Variants in SLC2A13 observed in about 807,000 individuals in gnomAD.
The protein encoded by SLC2A13 is solute carrier family 2 member 13, also known as proton myo-inositol cotransporter.
SLC2A13 carries 32 observed loss-of-function variants against 64.4 expected under a neutral mutation model. The ratio of observed to expected loss-of-function variants is 0.50; its 90% CI spans 0.37 to 0.67. SLC2A13 has a LOEUF of 0.67. Among genes scored for constraint, SLC2A13 ranks in the 30% least tolerant of loss-of-function variants. The pLI is 0.00. For missense variants in SLC2A13, 743 were observed against 829.2 expected (o/e 0.90, Z 1.28); for synonymous variants, 338 against 327.1 (o/e 1.03, Z -0.36).
At chr12:39,938,805 G>A (rs149608672) in intron 4 of SLC2A13, among the ~76,000 whole-genome samples, 85 of 151,932 alleles carry the variant, frequency 5.6e-4, no homozygotes, top group Non-Finnish European at 1.0e-3. Context: ...TTTTTCAGAG[G>A]TGCTTTTCAT....
At position 39,782,407 on chromosome 12, in the gene SLC2A13, G is replaced by A. The variant is rs1941022980; in HGVS notation, c.1446-17549C>T. The stretch of plus-strand genomic sequence containing the variant: ...AAGTGTCACGAAATCTGATGGGTTT[G>A]TCAGGGGTTTCTCCTTTTGCTTCCT... On this transcript the variant is annotated intron_variant, in intron 7 of 9. Transcript: ENST00000280871. Among the ~76,000 whole-genome samples the A allele has an allele frequency of 2.6e-5, 4 of 152,122 alleles. No individual in the cohort carries two copies. In the South Asian group the frequency reaches 8.3e-4, roughly 32 times the overall value.
Position 39,760,316 on chromosome 12 carries a change from T to G in SLC2A13, c.1721-64A>C. The G allele has an allele frequency of 2.0e-6, 3 of 1,463,428 alleles. No individual in the cohort carries two copies. In the Middle Eastern group the frequency reaches 5.3e-4, roughly 259 times the overall value. The allele number at this position is 1,463,428 out of a possible 1,614,324, so 90.7% of individuals were successfully genotyped here. A position where few individuals can be genotyped will look rare whatever the true frequency, so the allele number is the denominator to read the frequency against. The stretch of plus-strand genomic sequence containing the variant: ...TAGAGAGAGGCTTAAGTTGGAAAGA[T>G]TACTTGATTTTGACTTTTTTTTTCT... On this transcript the variant is annotated intron_variant, in intron 9 of 9. Transcript: ENST00000280871.
chr12:40,030,474 G>A (rs896351894), intron 2 of SLC2A13, among the ~76,000 whole-genome samples: 6 of 152,088 alleles, frequency 3.9e-5, no homozygotes, highest in Non-Finnish European at 7.4e-5. Context: ...AAATATACTG[G>A]ATTAGGAAAT....
chr12:39,853,694 C>A (rs575170106), intron 6 of SLC2A13, among the ~76,000 whole-genome samples: 1 of 151,330 alleles, frequency 6.6e-6, no homozygotes, highest in Admixed American at 6.6e-5. Context: ...AAGCTATCTT[C>A]CACTTTGCCA....
intron 3 of SLC2A13, among the ~76,000 whole-genome samples, chr12:39,987,202 T>C (rs1327114075): frequency 6.6e-6 from 1 of 152,128 alleles, no homozygotes; most frequent in Non-Finnish European, 1.5e-5. Context: ...TATTAAAATG[T>C]CAAACAAGAT....
At chr12:40,070,581 GA>G (rs974782608) in intron 1 of SLC2A13, among the ~76,000 whole-genome samples, 2 of 152,038 alleles carry the variant, frequency 1.3e-5, no homozygotes, top group Non-Finnish European at 2.9e-5. Flanking sequence ...AACTGAAAAG[GA>G]AAAAATCAAC....
At chr12:39,959,072 C>T (rs1946364850) in intron 3 of SLC2A13, among the ~76,000 whole-genome samples, 2 of 152,044 alleles carry the variant, frequency 1.3e-5, no homozygotes, top group South Asian at 4.2e-4. Context: ...AAGAGAAACA[C>T]CAGAGCAAGT....
intron 7 of SLC2A13, among the ~76,000 whole-genome samples, chr12:39,805,157 A>T (rs1020833190): frequency 3.4e-5 from 5 of 145,562 alleles, no homozygotes; most frequent in African/African-American, 1.3e-4. Context: ...CAGGCCAGAG[A>T]GTTGTGTGTT....
intron 7 of SLC2A13, among the ~76,000 whole-genome samples, chr12:39,815,615 C>T (rs1299756861): frequency 2.6e-5 from 4 of 152,114 alleles, no homozygotes; most frequent in Middle Eastern, 3.4e-3. Flanking sequence ...AAGAGGCGAA[C>T]GGGGATAAAA....
At chr12:40,103,915 C>T (rs1425415422) in intron 1 of SLC2A13, among the ~76,000 whole-genome samples, 3 of 152,160 alleles carry the variant, frequency 2.0e-5, no homozygotes, top group Non-Finnish European at 4.4e-5. Context: ...GAGAGCTTTG[C>T]CCTACCTTTG....
intron 5 of SLC2A13, among the ~76,000 whole-genome samples, chr12:39,866,473 A>C (rs1592221224): frequency 6.6e-6 from 1 of 152,274 alleles, no homozygotes; most frequent in Non-Finnish European, 1.5e-5. Flanking sequence ...AAATGTCATA[A>C]TGTATTTGAA....
intron 7 of SLC2A13, among the ~76,000 whole-genome samples, chr12:39,786,968 C>T (rs1941209416): frequency 6.9e-6 from 1 of 144,516 alleles, no homozygotes; most frequent in East Asian, 2.0e-4. Flanking sequence ...GAGACATGGG[C>T]ATATTTTCTG....
At chr12:39,795,965 T>C (rs1941559520) in intron 7 of SLC2A13, among the ~76,000 whole-genome samples, 1 of 152,134 alleles carries the variant, frequency 6.6e-6, no homozygotes, top group Non-Finnish European at 1.5e-5. Context: ...TGTGTAGCCA[T>C]CATCACTACC....
chr12:39,818,419 T>A (rs1942399550), intron 7 of SLC2A13, among the ~76,000 whole-genome samples: 1 of 152,186 alleles, frequency 6.6e-6, no homozygotes, highest in African/African-American at 2.4e-5. Flanking sequence ...TCAGATAGGA[T>A]CTCTTATCAA....
chr12:39,894,864 A>T (rs1944700403), intron 4 of SLC2A13, among the ~76,000 whole-genome samples: 2 of 152,162 alleles, frequency 1.3e-5, no homozygotes, highest in African/African-American at 4.8e-5. Flanking sequence ...AAAAGGGAGA[A>T]AAGAAAAAAA....
At chr12:39,961,363 G>A (rs1325508492) in intron 3 of SLC2A13, among the ~76,000 whole-genome samples, 1 of 152,192 alleles carries the variant, frequency 6.6e-6, no homozygotes, top group African/African-American at 2.4e-5. Flanking sequence ...ACAGGCATGA[G>A]CCACCACGCC....
In SLC2A13 at chr12:40,105,681, G is replaced by A; in HGVS notation, c.128C>T (p.Ala43Val). The change falls in exon 1 of 10, where the codon GCT becomes GTT. Residue 43 changes from alanine (A) to valine (V), a missense_variant. Physicochemically the swap from Ala to Val is moderately conservative, Grantham distance 64 (BLOSUM62 0). Around this residue, in one of 2 missense-constraint regions of SLC2A13, gnomAD observed 448 missense variants for 447.4 expected, o/e 1.00. Coordinates refer to ENST00000280871, the MANE Select transcript of SLC2A13 (RefSeq NM_052885.4). The surrounding 1 kb of genome is among the most constrained non-coding windows in gnomAD (Gnocchi z 4.2). The part of the protein sequence containing the change: ...ASAAGECSLL[A>V]AAESSTSLQS... ...CAGGCTGGTGCTCGATTCGGCGGCA[G>A]CCAGGAGGCTGCACTCCCCGGCCGC... The A allele has an allele frequency of 2.7e-6, 4 of 1,491,732 alleles. No individual in the cohort carries two copies. The highest frequency in any genetic ancestry group is 3.6e-6 in the Non-Finnish European group (4 of 1,122,720). 92.4% of individuals were successfully genotyped at this position (1,491,732 alleles called of 1,614,324 possible).
At chr12:39,940,877 CCCT>C (rs10540304) in intron 4 of SLC2A13, among the ~76,000 whole-genome samples, 41,706 of 151,122 alleles carry the variant, frequency 0.28, 6,386 homozygotes, top group Non-Finnish European at 0.35. Context: ...CCACTCTTCC[CCCT>C]CAAGTCCCCA....
intron 4 of SLC2A13, among the ~76,000 whole-genome samples, chr12:39,898,595 CTG>C (rs544295520): frequency 6.6e-6 from 1 of 152,120 alleles, no homozygotes; most frequent in Non-Finnish European, 1.5e-5. Flanking sequence ...ATTGTAACAT[CTG>C]TGTCTTCAAA....
Sources: gnomAD v4.1 joint callset for allele counts (sites outside exome capture counted in the v4.1 genomes callset) on GRCh38, gnomAD v4.1.1 for gene constraint, gnomAD v4.1.1 regional missense constraint, Gnocchi (gnomAD v3.1) non-coding constraint, MANE v1.5 for transcripts, NCBI Gene and HGNC (gene_info 2026-07-23, HGNC 2026-07-21) for gene names.